C13orf46: variants seen among roughly 807,000 people sequenced by gnomAD.
C13orf46 encodes chromosome 13 open reading frame 46.
At chr13:113,965,820 GATGGTGATA>G (rs1402029749) in intron 5 of C13orf46, among the ~76,000 whole-genome samples, 1 of 139,324 alleles carries the variant, frequency 7.2e-6, no homozygotes, top group Non-Finnish European at 1.5e-5. Flanking sequence ...TGAAGGTGAT[GATGGTGATA>G]ATGGTGATGG....
At chr13:113,934,379 T>A in the C13orf46 span, among the ~76,000 whole-genome samples, 6 of 152,222 alleles carry the variant, frequency 3.9e-5, no homozygotes, top group Non-Finnish European at 7.3e-5. Flanking sequence ...GGTATGTGTT[T>A]GACTTTTTAT....
At chr13:113,958,678 CCTCA>C (rs1278351205) in intron 6 of C13orf46, among the ~76,000 whole-genome samples, 83 of 152,254 alleles carry the variant, frequency 5.5e-4, no homozygotes, top group Non-Finnish European at 8.1e-4. Flanking sequence ...AGTGCACAGT[CCTCA>C]CTAAGACTTC....
intron 6 of C13orf46, among the ~76,000 whole-genome samples, chr13:113,961,343 A>T (rs1161802519): frequency 6.6e-6 from 1 of 151,872 alleles, no homozygotes; most frequent in Non-Finnish European, 1.5e-5. Context: ...ATTGTAAACT[A>T]TATTTGTATG....
At chr13:113,945,658 AAGAAAGAAAGAAAGGAAAGAAAAAC>A in the C13orf46 span, among the ~76,000 whole-genome samples, 20 of 139,074 alleles carry the variant, frequency 1.4e-4, no homozygotes, top group African/African-American at 4.7e-4. Context: ...GAAAGAAAGA[AAGAAAGAAAGAAAGGAAAGAAAAAC>A]AAACCAAGTC....
rs2052517861 is a variant in C13orf46 at position 113,955,389 on chromosome 13, CGG to C, written c.*1382_*1383del. ...TCCGGCGGAGAGGAGGAGCATCCGGCGGAGACGAGGAGCATCCGGCGGTGACG... is the reference window on the plus strand; with the variant it reads ...TCCGGCGGAGAGGAGGAGCATCCGGCAGACGAGGAGCATCCGGCGGTGACG... On this transcript the variant is annotated 3_prime_UTR_variant, in exon 7 of 7. Transcript: ENST00000636427. The C allele has an allele frequency of 7.5e-6, 1 of 133,628 alleles. No homozygotes were observed. The allele number at this position is 133,628 out of a possible 1,614,324, so 8.3% of individuals were successfully genotyped here.
Position 113,954,240 on chromosome 13 carries a change from T to C in C13orf46, c.*2533A>G, listed in dbSNP as rs2052502744. 1 of 152,292 alleles carries C rather than the reference T, an allele frequency of 6.6e-6. No individual in the cohort carries two copies. The highest frequency in any genetic ancestry group is 1.5e-5 in the Non-Finnish European group (1 of 68,066). The allele number at this position is 152,292 out of a possible 1,614,324, so 9.4% of individuals were successfully genotyped here. A position where few individuals can be genotyped will look rare whatever the true frequency, so the allele number is the denominator to read the frequency against. On this transcript the variant is annotated 3_prime_UTR_variant, in exon 7 of 7. Coordinates refer to ENST00000636427, the MANE Select transcript of C13orf46 (RefSeq NM_001365455.2). ...ACACAGCATCTCCGCCTGTGGCCTC[T>C]GACTGCCTTAGAGACACCCGGATCA...
At chr13:113,939,249 C>G in the C13orf46 span, among the ~76,000 whole-genome samples, 1 of 152,216 alleles carries the variant, frequency 6.6e-6, no homozygotes. Flanking sequence ...CCCTTCCCCC[C>G]GCCCCGGTGA....
intron 5 of C13orf46, among the ~76,000 whole-genome samples, chr13:113,965,719 GTGGTGATGA>G (rs2138987356): frequency 6.9e-6 from 1 of 144,512 alleles, no homozygotes; most frequent in East Asian, 2.0e-4. Context: ...GATTATAATG[GTGGTGATGA>G]TGGTGAAGGT....
At chr13:113,973,058 C>T (rs754528540) in intron 1 of C13orf46, among the ~76,000 whole-genome samples, 9 of 152,284 alleles carry the variant, frequency 5.9e-5, no homozygotes, top group Non-Finnish European at 1.2e-4. Flanking sequence ...TCCCTGCTGC[C>T]GGTGGAAGGA....
the C13orf46 span, chr13:113,927,037 C>G: frequency 1.3e-5 from 2 of 152,474 alleles, no homozygotes; most frequent in African/African-American, 2.4e-5. Context: ...CCTGCCGCCT[C>G]TAGCTGTGCC....
At chr13:113,945,886 C>G in the C13orf46 span, among the ~76,000 whole-genome samples, 1 of 152,168 alleles carries the variant, frequency 6.6e-6, no homozygotes, top group Admixed American at 6.5e-5. Context: ...GGAGGTCAGC[C>G]AGGGGAACCA....
the C13orf46 span, among the ~76,000 whole-genome samples, chr13:113,939,843 A>G: frequency 6.6e-6 from 1 of 152,202 alleles, no homozygotes; most frequent in Non-Finnish European, 1.5e-5. Flanking sequence ...GGAAGGCCAA[A>G]GGGATCATCC....
At chr13:113,947,944 G>A in the C13orf46 span, among the ~76,000 whole-genome samples, 1 of 152,346 alleles carries the variant, frequency 6.6e-6, no homozygotes, top group Non-Finnish European at 1.5e-5. Context: ...GGCCTGCCGA[G>A]CACTGACTGC....
At chr13:113,952,993 C>G (rs2052495472), downstream of C13orf46, among the ~76,000 whole-genome samples, 4 of 152,352 alleles carry the variant, frequency 2.6e-5, no homozygotes, top group South Asian at 8.3e-4. Context: ...TCTCCTGCTC[C>G]CCACAGTCTC....
At chr13:113,934,391 A>G in the C13orf46 span, among the ~76,000 whole-genome samples, 8,828 of 152,284 alleles carry the variant, frequency 0.058, 314 homozygotes, top group African/African-American at 0.09. Context: ...ACTTTTTATG[A>G]AACTACCAGA....
the C13orf46 span, among the ~76,000 whole-genome samples, chr13:113,945,157 C>T: frequency 2.6e-5 from 4 of 152,180 alleles, no homozygotes; most frequent in South Asian, 2.1e-4. Flanking sequence ...TCCAGTTGTG[C>T]GTGGGCCGTT....
rs1280480250 is a variant in C13orf46, at chr13:113,958,318, G to A, written c.573-1479C>T. On this transcript the variant is annotated intron_variant, in intron 6 of 6. Transcript: ENST00000636427. ...AGCCTTAGGGGCTGTGGTGAGTGGC[G>A]GATGAGAAGCCCAGTTTGCTGGTTT... is the stretch of plus-strand genomic sequence containing the variant. Among the ~76,000 whole-genome samples, 4 of 152,320 alleles carry A rather than the reference G, an allele frequency of 2.6e-5. No homozygotes were observed. In the East Asian group the frequency reaches 5.8e-4, roughly 22 times the overall value.
At chr13:113,963,208 TGCCCCTGTCCTCAGCCTCG>T (rs1301209383) in intron 6 of C13orf46, among the ~76,000 whole-genome samples, 48 of 134,096 alleles carry the variant, frequency 3.6e-4, no homozygotes, top group Admixed American at 1.3e-3. Context: ...TCCTCAGCCT[TGCCCCTGTCCTCAGCCTCG>T]GCCCCTGTCC....
intron 6 of C13orf46, among the ~76,000 whole-genome samples, chr13:113,957,092 G>A (rs1392752097): frequency 2.6e-5 from 4 of 151,910 alleles, no homozygotes; most frequent in South Asian, 2.1e-4. Context: ...CACACTGGGG[G>A]GGTCTCCCCT....
Sources: allele counts gnomAD v4.1 joint callset (sites outside exome capture counted in the v4.1 genomes callset), GRCh38; gene constraint gnomAD v4.1.1; transcripts MANE v1.5; gene names NCBI Gene and HGNC (gene_info 2026-07-23, HGNC 2026-07-21).